DNAJB2: variants seen among roughly 807,000 people sequenced by gnomAD.
DNAJB2 encodes DnaJ heat shock protein family (Hsp40) member B2.
A neutral mutation model predicts 33.3 loss-of-function variants in DNAJB2; 19 were observed. That is an observed-to-expected ratio of 0.57 (90% confidence interval 0.40 to 0.84). The LOEUF is 0.84. DNAJB2 is among the 40% of genes least tolerant of loss of function. The pLI, the probability that DNAJB2 is intolerant of heterozygous loss-of-function variation, is 0.00. For synonymous variants in DNAJB2, 172 were observed against 164.6 expected (o/e 1.04, Z -0.34); for missense variants, 368 against 430.9 (o/e 0.85, Z 1.29).
chr2:219,280,677 G>C lies in DNAJB2; in HGVS notation c.165G>C (p.Val55=), dbSNP rs1173237714. ...KFKEVAEAYE[V]LSDKHKREIY... ...AGGAGGTGGCCGAGGCATATGAAGT[G>C]CTGTCTGACAGTAAGGGCCGGGGTC... Residue 55 remains valine (V), a synonymous_variant, in exon 3 of 9, where the codon GTG becomes GTC. Coordinates refer to ENST00000336576, the MANE Select transcript of DNAJB2 (RefSeq NM_006736.6). The C allele has an allele frequency of 1.2e-6, 2 of 1,613,258 alleles. No homozygotes were observed. Among genetic ancestry groups the C allele is most frequent in the East Asian group, 4.5e-5 (2 of 44,884 alleles).
At position 219,284,778 on chromosome 2, in the gene DNAJB2, C is replaced by T. The variant is rs1951938917; in HGVS notation, c.766C>T (p.Gln256Ter). 6.2e-7 allele frequency: 1 copy of T among 1,613,338 alleles called. No homozygotes were observed. The highest frequency in any genetic ancestry group is 8.5e-7 in the Non-Finnish European group (1 of 1,179,854). The change falls in exon 9 of 9, where the codon CAG becomes TAG. Residue 256 changes from glutamine (Q) to a stop codon, truncating the protein, a stop_gained. Coordinates refer to ENST00000336576, the MANE Select transcript of DNAJB2 (RefSeq NM_006736.6). LOFTEE classifies it high-confidence loss of function. Reference protein sequence around the residue: ...DSDLSEDEDLQLAMAYSLSEM... With the variant: ...DSDLSEDEDL ...CGACCTCTCTGAGGATGAGGACCTG[C>T]AGCTGGCCATGGCCTACAGCCTGTC...
In DNAJB2 at chr2:219,283,565, C is replaced by G; in HGVS notation, c.619+76C>G. On this transcript the variant is annotated intron_variant, in intron 8 of 8. Transcript: ENST00000336576. ...CCTCAGCAGCCTCCTCCCCAAACTG[C>G]TGCTCTCTGAACTCACTTAGGGCTT... 2.1e-6 allele frequency: 3 copies of G among 1,461,684 alleles called. No individual in the cohort carries two copies. The South Asian group carries it at 3.9e-5, about 19-fold the overall frequency. The allele number at this position is 1,461,684 out of a possible 1,614,324, so 90.5% of individuals were successfully genotyped here.
Position 219,285,590 on chromosome 2 carries a change from T to C in DNAJB2, c.*603T>C, listed in dbSNP as rs765090137. On this transcript the variant is annotated 3_prime_UTR_variant, in exon 9 of 9. Coordinates refer to ENST00000336576, the MANE Select transcript of DNAJB2 (RefSeq NM_006736.6). ...CTGCCGTCTGGCTAGGACTCCCTTC[T>C]TCCTTCCTTCCCCGAGAAGGCCTCA... The C allele has an allele frequency of 2.0e-5, 21 of 1,055,924 alleles. No individual in the cohort carries two copies. The highest frequency in any genetic ancestry group is 2.3e-5 in the Non-Finnish European group (20 of 874,254). The allele number at this position is 1,055,924 out of a possible 1,614,324, so 65.4% of individuals were successfully genotyped here.
chr2:219,283,530 C>T (rs781544652), intron 8 of DNAJB2, 41 bp downstream of exon 8: 2 of 1,584,980 alleles, frequency 1.3e-6, no homozygotes, highest in Non-Finnish European at 1.7e-6. Context: ...GCAGGAAGCC[C>T]CAGCCCCAAC....
Position 219,285,537 on chromosome 2 carries a change from T to A in DNAJB2, c.*550T>A, listed in dbSNP as rs750156031. 1,025 of 1,019,216 alleles carry A rather than the reference T, an allele frequency of 1.0e-3. 1 individual carries two copies. The highest frequency in any genetic ancestry group is 1.1e-3 in the Non-Finnish European group (943 of 851,270). The allele number at this position is 1,019,216 out of a possible 1,614,324, so 63.1% of individuals were successfully genotyped here. ...TCCTCCCTCCCATTCTCTCTGCAACTCCCTGCGGGCCGCATCGCTTGCTTT... is the reference window on the plus strand; with the variant it reads ...TCCTCCCTCCCATTCTCTCTGCAACACCCTGCGGGCCGCATCGCTTGCTTT... On this transcript the variant is annotated 3_prime_UTR_variant, in exon 9 of 9. Coordinates refer to ENST00000336576, the MANE Select transcript of DNAJB2 (RefSeq NM_006736.6).
chr2:219,281,448 T>G, intron 3 of DNAJB2: 1 of 480,880 alleles, frequency 2.1e-6, no homozygotes, highest in Non-Finnish European at 3.7e-6. Flanking sequence ...TGGTAGGCAG[T>G]TTACGTGGAT....
At chr2:219,282,113 G>T in intron 5 of DNAJB2, 52 bp downstream of exon 5, 1 of 1,613,736 alleles carries the variant, frequency 6.2e-7, no homozygotes, top group African/African-American at 1.3e-5. Flanking sequence ...CTCCAGGCCT[G>T]TCCTTCCATC....
At position 219,285,669 on chromosome 2, in the gene DNAJB2, C is replaced by A; in HGVS notation, c.*682C>A. 1 of 1,171,578 alleles carries A rather than the reference C, an allele frequency of 8.5e-7. No homozygotes were observed. The highest frequency in any genetic ancestry group is 1.1e-6 in the Non-Finnish European group (1 of 946,128). The allele number at this position is 1,171,578 out of a possible 1,614,324, so 72.6% of individuals were successfully genotyped here. On this transcript the variant is annotated 3_prime_UTR_variant, in exon 9 of 9. Coordinates refer to ENST00000336576, the MANE Select transcript of DNAJB2 (RefSeq NM_006736.6). ...AGGGCTGTGAGATCTTCTGGGGAGG[C>A]TAGCCGGGTGGGGCGGGAGCCTCTC...
chr2:219,284,969 T>C lies in DNAJB2; in HGVS notation c.957T>C (p.Ser319=), dbSNP rs1951941673. Residue 319 remains serine, a synonymous_variant, in exon 9 of 9, where the codon TCT becomes TCC. Coordinates refer to ENST00000336576, the MANE Select transcript of DNAJB2 (RefSeq NM_006736.6). ...KRSPSPEEKA[S]RCLIL ...GTCCATCCCCAGAGGAGAAGGCCTCTCGCTGCCTCATCCTCTGAACACCGG... is the reference window on the plus strand; with the variant it reads ...GTCCATCCCCAGAGGAGAAGGCCTCCCGCTGCCTCATCCTCTGAACACCGG... The C allele has an allele frequency of 6.6e-7, 1 of 1,521,092 alleles. No homozygotes were observed. Among genetic ancestry groups the C allele is most frequent in the East Asian group, 2.3e-5 (1 of 43,500 alleles). The allele number at this position is 1,521,092 out of a possible 1,614,324, so 94.2% of individuals were successfully genotyped here. A position where few individuals can be genotyped will look rare whatever the true frequency, so the allele number is the denominator to read the frequency against.
In DNAJB2 at chr2:219,284,757, C is replaced by T; in HGVS notation, c.745C>T (p.Leu249Phe). The change falls in exon 9 of 9, where the codon CTC (leucine) becomes TTC (phenylalanine). Residue 249 changes from leucine (L) to phenylalanine (F), a missense_variant. Leu to Phe is a conservative substitution (Grantham distance 22). Coordinates refer to ENST00000336576, the MANE Select transcript of DNAJB2 (RefSeq NM_006736.6). The stretch of plus-strand genomic sequence containing the variant: ...TGCCTCATGCCCCTTGGACAGCGAC[C>T]TCTCTGAGGATGAGGACCTGCAGCT... The part of the protein sequence containing the change: ...TPASCPLDSD[L>F]SEDEDLQLAM... The T allele has an allele frequency of 6.2e-7, 1 of 1,613,558 alleles. No homozygotes were observed.
chr2:219,284,771 G>A lies in DNAJB2; in HGVS notation c.759G>A (p.Glu253=), dbSNP rs775630178. Residue 253 remains glutamate (E), a synonymous_variant, in exon 9 of 9, where the codon GAG becomes GAA. Coordinates refer to ENST00000336576, the MANE Select transcript of DNAJB2 (RefSeq NM_006736.6). ...CPLDSDLSED[E]DLQLAMAYSL... is the part of the protein sequence containing the mutation. ...TGGACAGCGACCTCTCTGAGGATGA[G>A]GACCTGCAGCTGGCCATGGCCTACA... is the stretch of plus-strand genomic sequence containing the variant. The A allele has an allele frequency of 1.5e-5, 25 of 1,613,346 alleles. 1 individual carries two copies. In the East Asian group the frequency reaches 2.0e-4, roughly 13 times the overall value.
Position 219,282,873 on chromosome 2 carries a change from G to C in DNAJB2, c.389G>C (p.Gly130Ala), listed in dbSNP as rs747909517. 10 of 1,606,784 alleles carry C rather than the reference G, an allele frequency of 6.2e-6. No individual in the cohort carries two copies. In the East Asian group the frequency reaches 2.2e-4, roughly 36 times the overall value. The change falls in exon 6 of 9, where the codon GGT becomes GCT. Residue 130 changes from glycine (G) to alanine (A), a missense_variant. Physicochemically the swap from Gly to Ala is moderately conservative, Grantham distance 60. Coordinates refer to ENST00000336576, the MANE Select transcript of DNAJB2 (RefSeq NM_006736.6). The stretch of plus-strand genomic sequence containing the variant: ...CCCTTCTCAGAGCTTCAGAACCGGG[G>C]TTCCCGACACTCAGGCCCCTTCTTT... ...LGPFSELQNR[G>A]SRHSGPFFTF...
chr2:219,286,180 G>A lies in DNAJB2; in HGVS notation c.*1193G>A. 2 of 732,426 alleles carry A rather than the reference G, an allele frequency of 2.7e-6. No homozygotes were observed. The highest frequency in any genetic ancestry group is 3.5e-5 in the African/African-American group (2 of 56,818). 45.4% of individuals were successfully genotyped at this position (732,426 alleles called of 1,614,324 possible). A position where few individuals can be genotyped will look rare whatever the true frequency, so the allele number is the denominator to read the frequency against. ...TCTTAGCCTGTGCACTCTCTTCCTT[G>A]GGTGTTTGGTGCTGGCTCCTGGGGA... On this transcript the variant is annotated 3_prime_UTR_variant, in exon 9 of 9. Coordinates refer to ENST00000336576, the MANE Select transcript of DNAJB2 (RefSeq NM_006736.6).
At chr2:219,282,565 G>A (rs947797355) in intron 5 of DNAJB2, 9 of 406,318 alleles carry the variant, frequency 2.2e-5, no homozygotes, top group East Asian at 4.3e-5. Context: ...CTGTCATCGC[G>A]TCATGATGAT....
In DNAJB2 at chr2:219,286,683, G is replaced by A. The variant is rs913234595; in HGVS notation, c.*1696G>A. The A allele has an allele frequency of 2.0e-5, 3 of 152,354 alleles. No individual in the cohort carries two copies. The highest frequency in any genetic ancestry group is 7.2e-5 in the African/African-American group (3 of 41,438). The allele number at this position is 152,354 out of a possible 1,614,324, so 9.4% of individuals were successfully genotyped here. On this transcript the variant is annotated 3_prime_UTR_variant, in exon 9 of 9. Transcript: ENST00000336576. ...GCTCCAGGCATGCCGCTGCTTGTAT[G>A]GCTTTCTTTGGCCTCTGACCCTGCT...
intron 3 of DNAJB2, chr2:219,281,225 A>G: frequency 5.4e-6 from 1 of 186,288 alleles, no homozygotes; most frequent in South Asian, 1.0e-4. Flanking sequence ...AACACCTACC[A>G]GGCACACACA....
Position 219,279,598 on chromosome 2 carries a change from C to T in DNAJB2, c.-37+80C>T, listed in dbSNP as rs1951885179. 4 of 537,398 alleles carry T rather than the reference C, an allele frequency of 7.4e-6. No individual in the cohort carries two copies. The East Asian group carries it at 1.0e-4, about 13-fold the overall frequency. The allele number at this position is 537,398 out of a possible 1,614,324, so 33.3% of individuals were successfully genotyped here. On this transcript the variant is annotated intron_variant, in intron 1 of 8. Transcript: ENST00000336576. This position sits in a 1 kb window ranked among gnomAD's most constrained non-coding sequence, Gnocchi z 4.9. ...GGGGGGCCCCGATAGGGCTCCTGGG[C>T]CTGGGCGTCGAGATAGCTCTTGGCC...
Position 219,285,090 on chromosome 2 carries a change from A to C in DNAJB2, c.*103A>C. 1 of 1,387,746 alleles carries C rather than the reference A, an allele frequency of 7.2e-7. No homozygotes were observed. Among genetic ancestry groups the C allele is most frequent in the South Asian group, 1.9e-5 (1 of 53,664 alleles). The allele number at this position is 1,387,746 out of a possible 1,614,324, so 86.0% of individuals were successfully genotyped here. On this transcript the variant is annotated 3_prime_UTR_variant, in exon 9 of 9. Transcript: ENST00000336576. ...CCTGAGTTGTAGGAACTGCTTTCCA[A>C]CTCCAAGCTCCCTCCACAAGTTTCC... is the stretch of plus-strand genomic sequence containing the variant.
rs1951899635 is a variant in DNAJB2 at position 219,280,954 on chromosome 2, G to A, written c.175+267G>A. 6 of 475,768 alleles carry A rather than the reference G, an allele frequency of 1.3e-5. No homozygotes were observed. In the South Asian group the frequency reaches 1.7e-4, roughly 13 times the overall value. The allele number at this position is 475,768 out of a possible 1,614,324, so 29.5% of individuals were successfully genotyped here. A position where few individuals can be genotyped will look rare whatever the true frequency, so the allele number is the denominator to read the frequency against. The stretch of plus-strand genomic sequence containing the variant: ...TCCTGCGTGCCAGGCATTGGTGGGT[G>A]TCATCTCCATGAGTTCTCACAGCCG... On this transcript the variant is annotated intron_variant, in intron 3 of 8. Transcript: ENST00000336576.
Sources: allele counts gnomAD v4.1 joint callset, GRCh38; gene constraint gnomAD v4.1.1; non-coding constraint Gnocchi (gnomAD v3.1); transcripts MANE v1.5; gene names NCBI Gene and HGNC (gene_info 2026-07-23, HGNC 2026-07-21).